The following PIGK variants were observed in gnomAD, a reference collection of about 807,000 sequenced individuals.
PIGK encodes the protein GPI-anchor transamidase.
Under a neutral mutation model 50.6 loss-of-function variants are expected in PIGK, and 42 were observed. The observed-to-expected ratio is 0.83, with a 90% CI of 0.65 to 1.07. The LOEUF (loss-of-function observed/expected upper bound fraction) is 1.07, where lower values mean the gene tolerates loss of function less well. PIGK is among the 50% of genes least tolerant of loss of function. PIGK has a pLI of 0.00. For missense variants in PIGK, 448 were observed against 488.7 expected, an observed-to-expected ratio of 0.92 and a Z score of 0.78; for synonymous variants, 151 against 156.0, an observed-to-expected ratio of 0.97 and a Z score of 0.24.
chr1:77,096,888 T>C lies in PIGK; in HGVS notation c.1072-4398A>G, dbSNP rs546091078. Reference sequence around the variant, plus strand: ...TTGTAGCTTCGGGTTTTTCTTTTTTTTTTTTTTTTGTTTTTTTGTTTTTTT... The same window carrying C: ...TTGTAGCTTCGGGTTTTTCTTTTTTCTTTTTTTTTGTTTTTTTGTTTTTTT... On this transcript the variant is annotated intron_variant, in intron 10 of 10. Transcript: ENST00000370812. Among the ~76,000 whole-genome samples, 19 of 148,422 alleles carry C rather than the reference T, an allele frequency of 1.3e-4. No homozygotes were observed. In the East Asian group the frequency reaches 3.7e-3, roughly 29 times the overall value.
chr1:77,188,145 C>G (rs2100573592), intron 3 of PIGK, among the ~76,000 whole-genome samples: 1 of 152,254 alleles, frequency 6.6e-6, no homozygotes, highest in East Asian at 1.9e-4. Context: ...AACAGGATAA[C>G]AGCAATTGTT....
Position 77,208,908 on chromosome 1 carries a change from C to T in PIGK, c.147+1528G>A, listed in dbSNP as rs839809. Reference sequence around the variant, plus strand: ...AATGATTCTCAATAAATTTACAAAGCCTCAAACTTCATTTGGCGTCAGTAA... The same window carrying T: ...AATGATTCTCAATAAATTTACAAAGTCTCAAACTTCATTTGGCGTCAGTAA... On this transcript the variant is annotated intron_variant, in intron 2 of 10. Coordinates refer to ENST00000370812, the MANE Select transcript of PIGK (RefSeq NM_005482.3). Among the ~76,000 whole-genome samples, 826 of 152,182 alleles carry T rather than the reference C, an allele frequency of 5.4e-3. 5 individuals carry two copies. Among genetic ancestry groups the T allele is most frequent in the African/African-American group, 0.019 (793 of 41,522 alleles).
chr1:77,157,551 G>A (rs2100553189), intron 8 of PIGK, among the ~76,000 whole-genome samples: 1 of 152,212 alleles, frequency 6.6e-6, no homozygotes, highest in South Asian at 2.1e-4. Context: ...ATCCAAAAAT[G>A]AGAACTTTCA....
At chr1:77,164,634 G>A (rs1655197486) in intron 5 of PIGK, among the ~76,000 whole-genome samples, 2 of 151,938 alleles carry the variant, frequency 1.3e-5, no homozygotes, top group South Asian at 4.1e-4. Flanking sequence ...GCCTTTGTGG[G>A]AGAAAAAAGT....
intron 3 of PIGK, among the ~76,000 whole-genome samples, chr1:77,189,838 C>G (rs552439826): frequency 4.0e-5 from 6 of 148,358 alleles, no homozygotes; most frequent in Non-Finnish European, 7.4e-5. Context: ...TCTAGAGAAC[C>G]CTAATACAAC....
chr1:77,176,326 T>C (rs896314176), intron 3 of PIGK, among the ~76,000 whole-genome samples: 1 of 152,206 alleles, frequency 6.6e-6, no homozygotes, highest in Non-Finnish European at 1.5e-5. Context: ...ACAGGATTAT[T>C]TGACATGTTA....
rs554236558 is a variant in PIGK, at chr1:77,158,326, C to CTT, written c.813+2967_813+2968dup. On this transcript the variant is annotated intron_variant, in intron 8 of 10. Coordinates refer to ENST00000370812, the MANE Select transcript of PIGK (RefSeq NM_005482.3). ...GCCACTGAGCCCAGCCTAAATCTCT[C>CTT]TTTTTTTTTTTAATAAATTACCCAG... Among the ~76,000 whole-genome samples, 376 of 148,254 alleles carry CTT rather than the reference C, an allele frequency of 2.5e-3. 3 individuals carry two copies. The highest frequency in any genetic ancestry group is 8.6e-3 in the African/African-American group (349 of 40,606).
intron 1 of PIGK, among the ~76,000 whole-genome samples, chr1:77,217,515 G>A (rs1656596025): frequency 6.6e-6 from 1 of 152,192 alleles, no homozygotes. Flanking sequence ...GTGGGTCATG[G>A]TGGAGAGTTT....
At chr1:77,195,598 G>T (rs1431613994) in intron 3 of PIGK, among the ~76,000 whole-genome samples, 1 of 152,112 alleles carries the variant, frequency 6.6e-6, no homozygotes, top group African/African-American at 2.4e-5. Context: ...AACTTCACGG[G>T]CTCCAGTATT....
intron 4 of PIGK, 72 bp downstream of exon 4, chr1:77,169,188 T>C (rs1655300217): frequency 3.1e-6 from 3 of 969,760 alleles, no homozygotes; most frequent in African/African-American, 1.7e-5. Flanking sequence ...AAGACAATTT[T>C]ATTCTGCCAT....
At chr1:77,195,346 G>A in intron 3 of PIGK, 2 of 1,277,222 alleles carry the variant, frequency 1.6e-6, no homozygotes, top group Non-Finnish European at 2.2e-6. Context: ...GAGCCAGCGG[G>A]CGGAGGCACA....
Position 77,219,388 on chromosome 1 carries a change from G to T in PIGK, c.15C>A (p.Asp5Glu). 3 of 1,613,496 alleles carry T rather than the reference G, an allele frequency of 1.9e-6. No homozygotes were observed. The highest frequency in any genetic ancestry group is 2.5e-6 in the Non-Finnish European group (3 of 1,179,678). The change falls in exon 1 of 11, where the codon GAC becomes GAA. Residue 5 changes from aspartate to glutamate, a missense_variant. By Grantham distance (45) the Asp-to-Glu change is conservative. Coordinates refer to ENST00000370812, the MANE Select transcript of PIGK (RefSeq NM_005482.3). MAVTDSLSRAATVLA... is the reference protein window; with the variant it reads MAVTESLSRAATVLA... ...AGACAGTCGCAGCCCGGCTGAGGCT[G>T]TCGGTGACGGCCATGTTTACCGGCT...
At chr1:77,140,350 G>A (rs1036209515) in intron 9 of PIGK, among the ~76,000 whole-genome samples, 3 of 142,466 alleles carry the variant, frequency 2.1e-5, no homozygotes, top group East Asian at 2.0e-4. Context: ...CCCCTGCCCC[G>A]CTCACTTACA....
intron 10 of PIGK, among the ~76,000 whole-genome samples, chr1:77,110,147 G>T (rs943176206): frequency 3.3e-5 from 5 of 152,140 alleles, no homozygotes; most frequent in Non-Finnish European, 7.3e-5. Context: ...CATGCTCATG[G>T]GTAGGAAGAA....
At chr1:77,155,834 G>A (rs1259884935) in intron 8 of PIGK, among the ~76,000 whole-genome samples, 1 of 152,172 alleles carries the variant, frequency 6.6e-6, no homozygotes, top group Admixed American at 6.5e-5. Context: ...CAGAAAGGTG[G>A]AGAAGGGTAG....
intron 3 of PIGK, among the ~76,000 whole-genome samples, chr1:77,184,257 A>C (rs2100571154): frequency 6.6e-6 from 1 of 152,232 alleles, no homozygotes; most frequent in East Asian, 1.9e-4. Context: ...ATTCCTACTT[A>C]ATTTAACAAG....
chr1:77,148,645 G>A (rs1388969525), intron 9 of PIGK, among the ~76,000 whole-genome samples: 1 of 151,940 alleles, frequency 6.6e-6, no homozygotes, highest in East Asian at 1.9e-4. Flanking sequence ...AATGTGCACA[G>A]GTTTTGGTTT....
chr1:77,194,997 AG>A, intron 3 of PIGK: 2 of 697,834 alleles, frequency 2.9e-6, no homozygotes, highest in Non-Finnish European at 5.2e-6. Flanking sequence ...GCAGTGAAAA[AG>A]CTCCAAACTC....
chr1:77,128,330 G>A (rs1434621642), intron 9 of PIGK, among the ~76,000 whole-genome samples: 2 of 152,084 alleles, frequency 1.3e-5, no homozygotes, highest in Non-Finnish European at 2.9e-5. Context: ...GAGAACTAAG[G>A]TTACACTAAT....
Sources: gnomAD v4.1 joint callset for allele counts (sites outside exome capture counted in the v4.1 genomes callset) on GRCh38, gnomAD v4.1.1 for gene constraint, MANE v1.5 for transcripts, NCBI Gene and HGNC (gene_info 2026-07-23, HGNC 2026-07-21) for gene names.